ZNF804B: variants seen among roughly 807,000 people sequenced by gnomAD.
ZNF804B encodes the protein zinc finger protein 804B.
In ZNF804B, 80 loss-of-function variants were observed where a neutral mutation model predicts 101.4. That is an observed-to-expected ratio of 0.79 (90% CI 0.66 to 0.95). The LOEUF (loss-of-function observed/expected upper bound fraction) is 0.95, where lower values mean the gene tolerates loss of function less well. Among genes scored for constraint, ZNF804B ranks in the 40% least tolerant of loss-of-function variants. ZNF804B has a pLI of 0.00. For synonymous variants in ZNF804B, 622 were observed against 558.8 expected, an observed-to-expected ratio of 1.11 and a Z score of -1.59; for missense variants, 1,673 against 1,561.9, an observed-to-expected ratio of 1.07 and a Z score of -1.20.
At chr7:89,265,293 T>TGTGTGC (rs1296992270) in intron 2 of ZNF804B, among the ~76,000 whole-genome samples, 4 of 120,536 alleles carry the variant, frequency 3.3e-5, no homozygotes, top group African/African-American at 9.7e-5. Context: ...TGTGTGTGTG[T>TGTGTGC]GCGCGTGCGC....
intron 1 of ZNF804B, among the ~76,000 whole-genome samples, chr7:88,990,205 A>ACTAT (rs1364465169): frequency 6.6e-6 from 1 of 151,962 alleles, no homozygotes; most frequent in Admixed American, 6.6e-5. Context: ...TGCTTATAAG[A>ACTAT]CTATCTACTG....
chr7:89,100,323 TG>T (rs563612102), intron 1 of ZNF804B, among the ~76,000 whole-genome samples: 119 of 152,282 alleles, frequency 7.8e-4, no homozygotes, highest in African/African-American at 2.8e-3. Flanking sequence ...CAAAATGTAT[TG>T]AAGACTTAAA....
intron 1 of ZNF804B, among the ~76,000 whole-genome samples, chr7:88,863,343 G>T (rs1409489399): frequency 6.6e-6 from 1 of 152,128 alleles, no homozygotes; most frequent in South Asian, 2.1e-4. Flanking sequence ...CTTTGTTGGT[G>T]TGCCATGCCC....
At chr7:89,270,591 A>C (rs1010898617) in intron 2 of ZNF804B, among the ~76,000 whole-genome samples, 2 of 152,158 alleles carry the variant, frequency 1.3e-5, no homozygotes, top group African/African-American at 4.8e-5. Context: ...AGTATTTTCC[A>C]ATTCTGTGAA....
intron 2 of ZNF804B, among the ~76,000 whole-genome samples, chr7:89,321,631 GAGAAA>G (rs1472807643): frequency 6.6e-6 from 1 of 151,692 alleles, no homozygotes; most frequent in African/African-American, 2.4e-5. Context: ...ATAGAAAAAA[GAGAAA>G]AGAGAGAAAA....
chr7:89,180,351 T>C (rs1028536093), intron 1 of ZNF804B, among the ~76,000 whole-genome samples: 1 of 152,108 alleles, frequency 6.6e-6, no homozygotes, highest in Admixed American at 6.6e-5. Flanking sequence ...GCAGCTGAAC[T>C]TATACCCAAA....
At chr7:89,220,047 A>ATATATATGCACACATATATGTGTG (rs1562920295) in intron 2 of ZNF804B, among the ~76,000 whole-genome samples, 4,521 of 38,742 alleles carry the variant, frequency 0.12, 1,584 homozygotes, top group South Asian at 0.14. Context: ...ATATATGTGC[A>ATATATATGCACACATATATGTGTG]TATATACATA....
chr7:89,316,502 C>T (rs1414473097), intron 2 of ZNF804B, among the ~76,000 whole-genome samples: 9 of 151,362 alleles, frequency 5.9e-5, no homozygotes. Flanking sequence ...GGGGAGATTG[C>T]AAAAATAAAG....
chr7:88,870,099 T>G (rs1791795671), intron 1 of ZNF804B, among the ~76,000 whole-genome samples: 1 of 151,910 alleles, frequency 6.6e-6, no homozygotes, highest in Non-Finnish European at 1.5e-5. Flanking sequence ...GAAAGGTGGG[T>G]GATTGGGCCG....
chr7:89,114,450 T>C (rs1453547094), intron 1 of ZNF804B, among the ~76,000 whole-genome samples: 2 of 152,178 alleles, frequency 1.3e-5, no homozygotes, highest in African/African-American at 2.4e-5. Context: ...ATGTCAGACA[T>C]TGCAGCACAT....
chr7:88,770,230 A>T (rs1790042455), intron 1 of ZNF804B, among the ~76,000 whole-genome samples: 1 of 152,140 alleles, frequency 6.6e-6, no homozygotes, highest in South Asian at 2.1e-4. Context: ...ACATGACAAA[A>T]GGGACTTTCC....
intron 1 of ZNF804B, among the ~76,000 whole-genome samples, chr7:88,945,402 T>C (rs1173049863): frequency 6.6e-6 from 1 of 152,082 alleles, no homozygotes; most frequent in Non-Finnish European, 1.5e-5. Flanking sequence ...TAGTTGTAGA[T>C]GTGTGGCGTT....
In ZNF804B at chr7:89,337,056, G is replaced by A. The variant is rs201238855; in HGVS notation, c.*24G>A. On this transcript the variant is annotated 3_prime_UTR_variant, in exon 4 of 4. Coordinates refer to ENST00000333190, the MANE Select transcript of ZNF804B (RefSeq NM_181646.5). Reference sequence around the variant, plus strand: ...AATAAGTGTTAAAGCCCCTCCTGTGGATAATTTTTTTAATTGTCACTACCT... The same window carrying A: ...AATAAGTGTTAAAGCCCCTCCTGTGAATAATTTTTTTAATTGTCACTACCT... The A allele has an allele frequency of 6.3e-7, 1 of 1,575,954 alleles. No homozygotes were observed. Among genetic ancestry groups the A allele is most frequent in the Admixed American group, 1.9e-5 (1 of 54,032 alleles).
At chr7:88,877,230 T>G (rs963223730) in intron 1 of ZNF804B, among the ~76,000 whole-genome samples, 12 of 149,604 alleles carry the variant, frequency 8.0e-5, no homozygotes, top group African/African-American at 2.7e-4. Flanking sequence ...AAATAGAATT[T>G]TAAAAAGCAA....
chr7:89,161,463 TA>T (rs2116420176), intron 1 of ZNF804B, among the ~76,000 whole-genome samples: 1 of 119,374 alleles, frequency 8.4e-6, no homozygotes, highest in South Asian at 2.8e-4. Flanking sequence ...TTCCTGATTT[TA>T]CTACTATTTA....
intron 1 of ZNF804B, among the ~76,000 whole-genome samples, chr7:89,031,632 C>A (rs1278803206): frequency 6.7e-6 from 1 of 150,220 alleles, no homozygotes; most frequent in African/African-American, 2.4e-5. Context: ...GTGGAAAAGG[C>A]AAATATTTTC....
At chr7:89,158,041 C>A (rs1222952214) in intron 1 of ZNF804B, among the ~76,000 whole-genome samples, 1 of 150,162 alleles carries the variant, frequency 6.7e-6, no homozygotes, top group African/African-American at 2.5e-5. Context: ...TTTCAGGAAG[C>A]CTCATAAGCG....
chr7:89,191,910 G>A (rs1190767345), intron 1 of ZNF804B, among the ~76,000 whole-genome samples: 1 of 151,954 alleles, frequency 6.6e-6, no homozygotes, highest in Non-Finnish European at 1.5e-5. Context: ...ATTATACTTT[G>A]CTTACAGAAA....
intron 1 of ZNF804B, among the ~76,000 whole-genome samples, chr7:88,941,541 A>G (rs1194171662): frequency 1.3e-5 from 2 of 152,016 alleles, no homozygotes; most frequent in African/African-American, 4.8e-5. Context: ...TTCCAACTAT[A>G]TGACCTTCTG....
Sources: allele counts gnomAD v4.1 joint callset (sites outside exome capture counted in the v4.1 genomes callset), GRCh38; gene constraint gnomAD v4.1.1; transcripts MANE v1.5; gene names NCBI Gene and HGNC (gene_info 2026-07-23, HGNC 2026-07-21).